Variants in SVEP1 observed in about 807,000 individuals in gnomAD.
SVEP1 encodes sushi, von Willebrand factor type A, EGF and pentraxin domain-containing protein 1.
SVEP1 carries 164 observed loss-of-function variants against 367.3 expected under a neutral mutation model. The observed-to-expected ratio is 0.45, with a 90% CI of 0.39 to 0.51. The LOEUF (loss-of-function observed/expected upper bound fraction) is 0.51. SVEP1 is among the 20% of genes least tolerant of loss of function. The pLI is 0.00. For missense variants in SVEP1, 4,117 were observed against 4,425.3 expected (o/e 0.93, Z 1.98); for synonymous variants, 1,666 against 1,611.6 (o/e 1.03, Z -0.81).
Position 110,406,792 on chromosome 9 carries a change from G to C in SVEP1, c.8808C>G (p.Asn2936Lys). The change falls in exon 38 of 48, where the codon AAC becomes AAG. Residue 2936 changes from asparagine (N) to lysine (K), a missense_variant. By Grantham distance (94) the Asn-to-Lys change is moderately conservative (BLOSUM62 0). Around this residue, in one of 4 missense-constraint regions of SVEP1, gnomAD observed 1,765 missense variants for 1,781.1 expected, o/e 0.99. Coordinates refer to ENST00000374469, the MANE Select transcript of SVEP1 (RefSeq NM_153366.4). ...APKLTCQSDGNWDAEIPLCKP... is the reference protein window; with the variant it reads ...APKLTCQSDGKWDAEIPLCKP... ...TACAGAGAGGAATCTCTGCATCCCA[G>C]TTGCCATCTGACTGACAGGTGAGTT... 1 of 1,614,058 alleles carries C rather than the reference G, an allele frequency of 6.2e-7. No individual in the cohort carries two copies. The highest frequency in any genetic ancestry group is 8.5e-7 in the Non-Finnish European group (1 of 1,179,894).
At chr9:110,506,513 C>G (rs752591869) in intron 5 of SVEP1, among the ~76,000 whole-genome samples, 1 of 152,196 alleles carries the variant, frequency 6.6e-6, no homozygotes, top group South Asian at 2.1e-4. Flanking sequence ...CTCTAGACCT[C>G]GCTGTCACCA....
chr9:110,392,958 G>C (rs564224813), intron 40 of SVEP1, among the ~76,000 whole-genome samples: 1 of 152,096 alleles, frequency 6.6e-6, no homozygotes, highest in Non-Finnish European at 1.5e-5. Context: ...TCTTGTCCGA[G>C]ACCTGGAGTT....
At chr9:110,531,043 CTATTAA>C (rs1423961548) in intron 3 of SVEP1, among the ~76,000 whole-genome samples, 1 of 152,120 alleles carries the variant, frequency 6.6e-6, no homozygotes, top group Non-Finnish European at 1.5e-5. Flanking sequence ...CACATCTATT[CTATTAA>C]TATTAGCATT....
chr9:110,371,709 T>G (rs1034886120), intron 46 of SVEP1, among the ~76,000 whole-genome samples: 3 of 152,228 alleles, frequency 2.0e-5, no homozygotes, highest in African/African-American at 7.2e-5. Flanking sequence ...AAACAGCTTT[T>G]AGTCTTCCAA....
chr9:110,507,279 C>T (rs571687707), intron 5 of SVEP1, among the ~76,000 whole-genome samples: 28 of 152,144 alleles, frequency 1.8e-4, no homozygotes, highest in Non-Finnish European at 2.9e-4. Context: ...ATTTTTTCTT[C>T]TTCTACTTTT....
At chr9:110,391,271 C>CTT (rs35309188) in intron 40 of SVEP1, among the ~76,000 whole-genome samples, 2 of 125,244 alleles carry the variant, frequency 1.6e-5, no homozygotes, top group African/African-American at 5.9e-5. Context: ...TACTTTTTGT[C>CTT]TTTTTTTTTT....
chr9:110,411,801 C>T, intron 36 of SVEP1, 66 bp from the exon 37 acceptor site: 1 of 1,375,572 alleles, frequency 7.3e-7, no homozygotes, highest in East Asian at 2.6e-5. Context: ...TTTGTGTCTT[C>T]TTCTATTTTT....
chr9:110,440,555 A>G (rs967095063), intron 27 of SVEP1, among the ~76,000 whole-genome samples: 2 of 152,230 alleles, frequency 1.3e-5, no homozygotes, highest in East Asian at 3.8e-4. Flanking sequence ...ACTTTCCGAT[A>G]CAGTGTGGTT....
chr9:110,384,606 CAAATCTATAAG>C (rs919734065), intron 43 of SVEP1, among the ~76,000 whole-genome samples: 10 of 117,934 alleles, frequency 8.5e-5, no homozygotes, highest in African/African-American at 3.0e-4. Flanking sequence ...ACTTATTCTT[CAAATCTATAAG>C]AAATCTATAA....
chr9:110,562,410 C>T (rs1830444292), intron 1 of SVEP1, among the ~76,000 whole-genome samples: 1 of 152,048 alleles, frequency 6.6e-6, no homozygotes, highest in African/African-American at 2.4e-5. Context: ...ACAATATGAT[C>T]AAGTAGCACT....
At chr9:110,513,643 T>A (rs1240408612) in intron 4 of SVEP1, among the ~76,000 whole-genome samples, 22 of 152,198 alleles carry the variant, frequency 1.4e-4, no homozygotes, top group Non-Finnish European at 2.8e-4. Flanking sequence ...TTTATTCAAA[T>A]TTGTTGTTAA....
At chr9:110,566,767 A>T (rs1478478200) in intron 1 of SVEP1, among the ~76,000 whole-genome samples, 9 of 152,236 alleles carry the variant, frequency 5.9e-5, no homozygotes, top group African/African-American at 2.2e-4. Flanking sequence ...GTTAAAGGGC[A>T]GTTGTGACAG....
At chr9:110,578,072 C>A (rs1010650001) in intron 1 of SVEP1, among the ~76,000 whole-genome samples, 1 of 152,150 alleles carries the variant, frequency 6.6e-6, no homozygotes, top group Admixed American at 6.5e-5. Context: ...TGTTCATAAC[C>A]TTTAGTTCAG....
chr9:110,411,393 T>C lies in SVEP1; in HGVS notation c.6318A>G (p.Ser2106=). 1 of 1,614,048 alleles carries C rather than the reference T, an allele frequency of 6.2e-7. No individual in the cohort carries two copies. The highest frequency in any genetic ancestry group is 8.5e-7 in the Non-Finnish European group (1 of 1,179,904). The change falls in exon 37 of 48, where the codon TCA becomes TCG. Residue 2106 remains serine, a synonymous_variant. Transcript: ENST00000374469. The part of the protein sequence containing the change: ...SVSKAKFAAG[S]VVSFKCMEGF... ...CTTCCATGCATTTAAAGCTCACAAC[T>C]GAGCCAGCTGCAAATTTTGCTTTGC...
chr9:110,406,438 A>C lies in SVEP1; in HGVS notation c.9162T>G (p.Ser3054=), dbSNP rs1288336230. 2.5e-6 allele frequency: 4 copies of C among 1,613,960 alleles called. No individual in the cohort carries two copies. Among genetic ancestry groups the C allele is most frequent in the Non-Finnish European group, 3.4e-6 (4 of 1,179,918 alleles). Residue 3054 remains serine, a synonymous_variant, in exon 38 of 48, where the codon TCT becomes TCG. Transcript: ENST00000374469. ...ITCEADGQWS[S]GFPHCEHTSC... ...AAGTGTGTTCACAGTGGGGGAACCC[A>C]GAGCTCCACTGGCCATCGGCTTCAC...
At chr9:110,554,437 G>A (rs575426460) in intron 1 of SVEP1, among the ~76,000 whole-genome samples, 81 of 152,262 alleles carry the variant, frequency 5.3e-4, no homozygotes, top group African/African-American at 1.9e-3. Context: ...GCCCCCTACT[G>A]TGGTCTCCAA....
intron 40 of SVEP1, among the ~76,000 whole-genome samples, chr9:110,394,133 T>C (rs1311108149): frequency 6.6e-6 from 1 of 151,976 alleles, no homozygotes; most frequent in Admixed American, 6.6e-5. Context: ...ACACCTCACA[T>C]GGCCGGGTAT....
At chr9:110,576,857 C>A (rs189397460) in intron 1 of SVEP1, among the ~76,000 whole-genome samples, 226 of 152,038 alleles carry the variant, frequency 1.5e-3, no homozygotes, top group Non-Finnish European at 2.1e-3. Flanking sequence ...ATTATATGAA[C>A]CAAATAGTGC....
intron 18 of SVEP1, among the ~76,000 whole-genome samples, chr9:110,460,182 G>A (rs1410718008): frequency 1.3e-5 from 2 of 152,020 alleles, no homozygotes; most frequent in Non-Finnish European, 2.9e-5. Context: ...TTATTTTTCA[G>A]AAAGATGGTT....
Sources: gnomAD v4.1 joint callset for allele counts (sites outside exome capture counted in the v4.1 genomes callset) on GRCh38, gnomAD v4.1.1 for gene constraint, gnomAD v4.1.1 regional missense constraint, MANE v1.5 for transcripts, NCBI Gene and HGNC (gene_info 2026-07-23, HGNC 2026-07-21) for gene names.